Variants in KAT2B observed in about 807,000 individuals in gnomAD.
The protein encoded by KAT2B is lysine acetyltransferase 2B, also known as histone acetyltransferase KAT2B.
In KAT2B, 36 loss-of-function variants were observed where a neutral mutation model predicts 105.9. That is an observed-to-expected ratio of 0.34 (90% CI 0.26 to 0.45). The LOEUF is 0.45. Ranked by LOEUF, KAT2B falls within the 20% of genes least tolerant of loss-of-function variation. The probability of loss-of-function intolerance (pLI) is 1.00; values close to 1 mark genes in which losing one functional copy is unlikely to be tolerated. For synonymous variants in KAT2B, 397 were observed against 377.9 expected (o/e 1.05, Z -0.59); for missense variants, 820 against 1,021.6 (o/e 0.80, Z 2.69).
At chr3:20,082,838 A>G (rs958988858) in intron 2 of KAT2B, among the ~76,000 whole-genome samples, 4 of 152,184 alleles carry the variant, frequency 2.6e-5, no homozygotes, top group African/African-American at 9.7e-5. Context: ...AAGGTAGTAC[A>G]TAAGGTTTAT....
intron 1 of KAT2B, among the ~76,000 whole-genome samples, chr3:20,049,879 A>G (rs1176035660): frequency 3.3e-5 from 5 of 152,160 alleles, no homozygotes; most frequent in Admixed American, 2.0e-4. Context: ...AATGTGTCAG[A>G]AAGTTAAGAA....
chr3:20,108,143 C>T (rs1055593206), intron 5 of KAT2B, among the ~76,000 whole-genome samples: 1 of 152,142 alleles, frequency 6.6e-6, no homozygotes, highest in Non-Finnish European at 1.5e-5. Context: ...CATCTTAATT[C>T]AGTAGCTAAA....
chr3:20,152,623 A>G lies in KAT2B; in HGVS notation c.*98A>G, dbSNP rs1280233448. The G allele has an allele frequency of 1.1e-6, 1 of 900,454 alleles. No homozygotes were observed. Among genetic ancestry groups the G allele is most frequent in the Non-Finnish European group, 1.7e-6 (1 of 600,118 alleles). The allele number at this position is 900,454 out of a possible 1,614,324, so 55.8% of individuals were successfully genotyped here. Reference sequence around the variant, plus strand: ...AAGAATTGGACATGATGTATTGAAGAGACTTGTAAATGTAATAATTAGCAC... The same window carrying G: ...AAGAATTGGACATGATGTATTGAAGGGACTTGTAAATGTAATAATTAGCAC... On this transcript the variant is annotated 3_prime_UTR_variant, in exon 18 of 18. Transcript: ENST00000263754.
At chr3:20,112,091 G>A (rs1323939339) in intron 6 of KAT2B, among the ~76,000 whole-genome samples, 5 of 151,930 alleles carry the variant, frequency 3.3e-5, no homozygotes, top group Admixed American at 2.0e-4. Context: ...CGGCCAGGAA[G>A]CTCTAGGACG....
At chr3:20,114,200 G>A (rs1699168145) in intron 6 of KAT2B, among the ~76,000 whole-genome samples, 1 of 152,062 alleles carries the variant, frequency 6.6e-6, no homozygotes, top group African/African-American at 2.4e-5. Context: ...GATCCATTTA[G>A]TTTAAAGTTA....
In KAT2B at chr3:20,148,521, A is replaced by G. The variant is rs562835131; in HGVS notation, c.2305+34A>G. On this transcript the variant is annotated intron_variant, in intron 17 of 17. Coordinates refer to ENST00000263754, the MANE Select transcript of KAT2B (RefSeq NM_003884.5). ...ATTAACATTTTCTAAGTATAGATTT[A>G]AAACTCTGGATGGCGGTGTGGGGGA... 9.0e-6 allele frequency: 13 copies of G among 1,447,528 alleles called. No homozygotes were observed. The African/African-American group carries it at 1.0e-4, about 11-fold the overall frequency. 89.7% of individuals were successfully genotyped at this position (1,447,528 alleles called of 1,614,324 possible). A position where few individuals can be genotyped will look rare whatever the true frequency, so the allele number is the denominator to read the frequency against.
At chr3:20,131,170 C>T (rs1699505251) in intron 11 of KAT2B, among the ~76,000 whole-genome samples, 1 of 151,768 alleles carries the variant, frequency 6.6e-6, no homozygotes, top group Non-Finnish European at 1.5e-5. Context: ...TGTCAGCCAC[C>T]ATGCCCGGCT....
chr3:20,116,742 G>A (rs1215023566), intron 7 of KAT2B, among the ~76,000 whole-genome samples: 1 of 152,022 alleles, frequency 6.6e-6, no homozygotes, highest in African/African-American at 2.4e-5. Flanking sequence ...TGCTTCCTTG[G>A]TATCTAAGCC....
At chr3:20,125,531 G>A (rs1699385753) in intron 9 of KAT2B, among the ~76,000 whole-genome samples, 1 of 152,148 alleles carries the variant, frequency 6.6e-6, no homozygotes, top group Non-Finnish European at 1.5e-5. Flanking sequence ...CATATTGTCT[G>A]TGGATGCTTT....
At chr3:20,066,230 C>G (rs1388366163) in intron 1 of KAT2B, among the ~76,000 whole-genome samples, 2 of 152,090 alleles carry the variant, frequency 1.3e-5, no homozygotes, top group Non-Finnish European at 2.9e-5. Context: ...GCCTTCTTTA[C>G]TGTTTGTCTG....
In KAT2B at chr3:20,145,554, G is replaced by GTTTTTTTTTTTTTTTTTTT. The variant is rs550166293; in HGVS notation, c.2005-755_2005-737dup. 9.8e-5 allele frequency among the ~76,000 whole-genome samples: 9 copies of GTTTTTTTTTTTTTTTTTTT among 92,084 alleles called. 1 individual carries two copies. Among genetic ancestry groups the GTTTTTTTTTTTTTTTTTTT allele is most frequent in the South Asian group, 3.6e-4 (1 of 2,750 alleles). 60.4% of individuals were successfully genotyped at this position (92,084 alleles called of 152,430 possible). A position where few individuals can be genotyped will look rare whatever the true frequency, so the allele number is the denominator to read the frequency against. On this transcript the variant is annotated intron_variant, in intron 13 of 17. Coordinates refer to ENST00000263754, the MANE Select transcript of KAT2B (RefSeq NM_003884.5). ...TTAATTTCCGGATGGGATTTTTTTA[G>GTTTTTTTTTTTTTTTTTTT]TTTTTTTTTTTTTTTTTTTTTTTTT... is the stretch of plus-strand genomic sequence containing the variant.
rs1288568144 is a variant in KAT2B, at chr3:20,154,029, G to A, written c.*1504G>A. 1.3e-5 allele frequency: 2 copies of A among 152,582 alleles called. No individual in the cohort carries two copies. The highest frequency in any genetic ancestry group is 2.9e-5 in the Non-Finnish European group (2 of 68,008). 9.5% of individuals were successfully genotyped at this position (152,582 alleles called of 1,614,324 possible). ...TTTAAAGTGTAAGAAACCACCATGA[G>A]TGGTGTCTAGATTTCTAATGAAGAA... On this transcript the variant is annotated 3_prime_UTR_variant, in exon 18 of 18. Coordinates refer to ENST00000263754, the MANE Select transcript of KAT2B (RefSeq NM_003884.5).
At chr3:20,071,919 T>C (rs941147186) in intron 1 of KAT2B, among the ~76,000 whole-genome samples, 2 of 152,202 alleles carry the variant, frequency 1.3e-5, no homozygotes, top group African/African-American at 4.8e-5. Context: ...GAGATGCAGC[T>C]GGTGCCTTGG....
At chr3:20,066,748 T>TA (rs1055669974) in intron 1 of KAT2B, among the ~76,000 whole-genome samples, 88 of 146,054 alleles carry the variant, frequency 6.0e-4, no homozygotes, top group Admixed American at 6.2e-4. Context: ...TGCACCGCAT[T>TA]AAAAAAAAAA....
chr3:20,101,076 C>T, intron 4 of KAT2B: 1 of 539,208 alleles, frequency 1.9e-6, no homozygotes, highest in Admixed American at 3.3e-5. Flanking sequence ...AACTCACAGC[C>T]TCTCTGTCTT....
intron 1 of KAT2B, among the ~76,000 whole-genome samples, chr3:20,062,872 CGTTGTT>C (rs766916682): frequency 2.6e-5 from 4 of 151,726 alleles, no homozygotes; most frequent in Admixed American, 6.6e-5. Context: ...TGTAAAATTT[CGTTGTT>C]GTTGTTGTTG....
At chr3:20,062,933 A>G (rs1204587453) in intron 1 of KAT2B, among the ~76,000 whole-genome samples, 1 of 152,108 alleles carries the variant, frequency 6.6e-6, no homozygotes, top group Non-Finnish European at 1.5e-5. Flanking sequence ...TTAACCTGTT[A>G]TCAAATATAT....
intron 2 of KAT2B, among the ~76,000 whole-genome samples, chr3:20,079,226 A>G (rs1395934810): frequency 9.0e-6 from 1 of 110,620 alleles, no homozygotes; most frequent in Non-Finnish European, 1.8e-5. Flanking sequence ...TTTTTTTGCC[A>G]CAGAGTCTGG....
chr3:20,062,542 A>G (rs574846276), intron 1 of KAT2B, among the ~76,000 whole-genome samples: 187 of 148,054 alleles, frequency 1.3e-3, no homozygotes, highest in African/African-American at 4.3e-3. Context: ...GCTCATTGTA[A>G]CGTCTGCCTC....
Sources: gnomAD v4.1 joint callset for allele counts (sites outside exome capture counted in the v4.1 genomes callset) on GRCh38, gnomAD v4.1.1 for gene constraint, MANE v1.5 for transcripts, NCBI Gene and HGNC (gene_info 2026-07-23, HGNC 2026-07-21) for gene names.